The following NF1 variants were observed in gnomAD, a reference collection of about 807,000 sequenced individuals.
NF1 encodes neurofibromin.
A neutral mutation model predicts 325.7 loss-of-function variants in NF1; 122 were observed. The ratio of observed to expected loss-of-function variants is 0.37; its 90% CI spans 0.32 to 0.44. NF1 has a LOEUF of 0.44. Ranked by LOEUF, NF1 falls within the 20% of genes least tolerant of loss-of-function variation. The probability of loss-of-function intolerance (pLI) is 1.00; values close to 1 mark genes in which losing one functional copy is unlikely to be tolerated. For missense variants in NF1, 2,140 were observed against 3,415.4 expected (o/e 0.63, Z 9.31); for synonymous variants, 1,091 against 1,186.0 (o/e 0.92, Z 1.65).
chr17:31,278,254 A>G (rs1473228403), intron 36 of NF1: 6 of 152,296 alleles, frequency 3.9e-5, no homozygotes, highest in South Asian at 4.1e-4. Context: ...AAGAAAATGG[A>G]AAAAAGTAAT....
chr17:31,270,577 T>G (rs2067874813), intron 36 of NF1, among the ~76,000 whole-genome samples: 1 of 152,166 alleles, frequency 6.6e-6, no homozygotes, highest in Admixed American at 6.5e-5. Context: ...ACCACTGTAC[T>G]CCAGCCTGGG....
At chr17:31,304,360 G>C in intron 36 of NF1, 1 of 1,614,092 alleles carries the variant, frequency 6.2e-7, no homozygotes, top group Non-Finnish European at 8.5e-7. Context: ...CTCAAGGTTG[G>C]AATCTTCTTG....
At chr17:31,320,346 A>AC (rs755416593) in intron 36 of NF1, 17 of 1,435,452 alleles carry the variant, frequency 1.2e-5, no homozygotes, top group Non-Finnish European at 1.5e-5. Flanking sequence ...TTTTATTTAA[A>AC]AAAAAAAAAA....
rs181025413 is a variant in NF1, at chr17:31,300,426, T to C, written c.4836-25394T>C. On this transcript the variant is annotated intron_variant, in intron 36 of 57. Transcript: ENST00000358273. ...CATATATACATACTGTTAGATAACT[T>C]GTTCTTCTTTTCTTACTGTATCTTG... Among the ~76,000 whole-genome samples the C allele has an allele frequency of 2.9e-3, 441 of 152,242 alleles. 5 individuals are homozygous for C. Among genetic ancestry groups the C allele is most frequent in the South Asian group, 3.7e-3 (18 of 4,830 alleles).
At chr17:31,270,498 T>A (rs2067872649) in intron 36 of NF1, among the ~76,000 whole-genome samples, 1 of 152,068 alleles carries the variant, frequency 6.6e-6, no homozygotes, top group African/African-American at 2.4e-5. Flanking sequence ...TAGCCCCAGC[T>A]ACTCAGGAGG....
intron 29 of NF1, among the ~76,000 whole-genome samples, chr17:31,240,912 C>G (rs908595338): frequency 3.3e-5 from 5 of 152,174 alleles, no homozygotes; most frequent in African/African-American, 1.2e-4. Context: ...CAGTCTTGCT[C>G]TGTCACACAG....
At chr17:31,105,417 C>G (rs1363158400) in intron 1 of NF1, among the ~76,000 whole-genome samples, 1 of 152,222 alleles carries the variant, frequency 6.6e-6, no homozygotes, top group Non-Finnish European at 1.5e-5. Flanking sequence ...TAGTCTGGCA[C>G]TCACGGTTTG....
In NF1 at chr17:31,330,335, C is replaced by T. The variant is rs139696493; in HGVS notation, c.5649C>T (p.Thr1883=). 46 of 1,613,878 alleles carry T rather than the reference C, an allele frequency of 2.9e-5. No individual in the cohort carries two copies. Among genetic ancestry groups the T allele is most frequent in the Non-Finnish European group, 3.5e-5 (41 of 1,179,964 alleles). ...ATCTTCTGTGTGCCTTAACTTGTAC[C>T]TTTAATTTAAAAATCGAGGGCCAGT... ...AYNLLCALTC[T]FNLKIEGQLL... is the part of the protein sequence containing the mutation. Residue 1883 remains threonine (T), a synonymous_variant, in exon 39 of 58, where the codon ACC becomes ACT. Coordinates refer to ENST00000358273, the MANE Select transcript of NF1 (RefSeq NM_001042492.3).
chr17:31,136,372 C>T (rs1915780858), intron 1 of NF1: 3 of 151,882 alleles, frequency 2.0e-5, no homozygotes, highest in Non-Finnish European at 2.9e-5. Context: ...CAGTAGTCTC[C>T]CCGCTCCCCC....
chr17:31,163,939 A>G (rs2065805066), intron 4 of NF1, among the ~76,000 whole-genome samples: 1 of 152,240 alleles, frequency 6.6e-6, no homozygotes, highest in Non-Finnish European at 1.5e-5. Flanking sequence ...AAGGAGGTGA[A>G]TAATTGCAAA....
intron 57 of NF1, among the ~76,000 whole-genome samples, chr17:31,369,261 A>G (rs1407789623): frequency 6.6e-6 from 1 of 152,228 alleles, no homozygotes; most frequent in East Asian, 1.9e-4. Flanking sequence ...CAGGGAAGAT[A>G]GACATCTAAC....
chr17:31,327,922 C>T, intron 38 of NF1, 83 bp downstream of exon 38: 1 of 1,283,974 alleles, frequency 7.8e-7, no homozygotes, highest in East Asian at 2.3e-5. Flanking sequence ...TTAAAACAGC[C>T]TCTACCTTAA....
rs17883940 is a variant in NF1 at position 31,231,430 on chromosome 17, C to T, written c.3197+505C>T. 8.1e-3 allele frequency among the ~76,000 whole-genome samples: 1,238 copies of T among 152,186 alleles called. 24 individuals are homozygous for T. The highest frequency in any genetic ancestry group is 0.028 in the African/African-American group (1,180 of 41,512). On this transcript the variant is annotated intron_variant, in intron 24 of 57. Transcript: ENST00000358273. Reference sequence around the variant, plus strand: ...TTCACATATGTTTCTTTGACCAAGCCTAGCTTTATAATACAGTCTTCTCTG... The same window carrying T: ...TTCACATATGTTTCTTTGACCAAGCTTAGCTTTATAATACAGTCTTCTCTG...
chr17:31,166,746 T>C (rs932237686), intron 4 of NF1, among the ~76,000 whole-genome samples: 1 of 152,060 alleles, frequency 6.6e-6, no homozygotes, highest in Non-Finnish European at 1.5e-5. Flanking sequence ...GTTCATGTTT[T>C]ATGCAGGGCC....
intron 29 of NF1, among the ~76,000 whole-genome samples, chr17:31,247,682 A>G (rs1040802009): frequency 6.6e-6 from 1 of 152,216 alleles, no homozygotes; most frequent in Non-Finnish European, 1.5e-5. Context: ...TAGCTGCCTT[A>G]GAGAATCTCT....
rs1248496713 is a variant in NF1, at chr17:31,180,498, A to C, written c.587-924A>C. On this transcript the variant is annotated intron_variant, in intron 5 of 57. Transcript: ENST00000358273. ...AAACAGAACCAATGACAAAAACCAC[A>C]TGATTATCTCAATAGATACAGAAAA... 3.9e-5 allele frequency among the ~76,000 whole-genome samples: 6 copies of C among 152,344 alleles called. No homozygotes were observed. In the East Asian group the frequency reaches 1.2e-3, roughly 29 times the overall value.
intron 4 of NF1, among the ~76,000 whole-genome samples, chr17:31,166,736 G>C (rs927554657): frequency 6.6e-6 from 1 of 151,840 alleles, no homozygotes; most frequent in African/African-American, 2.4e-5. Context: ...GTTCTTTCTA[G>C]TTCATGTTTT....
chr17:31,254,911 T>G (rs1238416208), intron 31 of NF1, among the ~76,000 whole-genome samples: 1 of 152,182 alleles, frequency 6.6e-6, no homozygotes, highest in Admixed American at 6.5e-5. Flanking sequence ...TACTCATAAA[T>G]TTAAAATGTT....
chr17:31,223,491 T>C lies in NF1; in HGVS notation c.1769T>C (p.Met590Thr), dbSNP rs761559887. 2.1e-5 allele frequency: 34 copies of C among 1,613,022 alleles called. No homozygotes were observed. The highest frequency in any genetic ancestry group is 2.8e-5 in the Non-Finnish European group (33 of 1,179,342). ...TGCAAGAAATTAACTAGTCATCAAA[T>C]GCTTAGTAGCACAGAAATTCTCAAG... ...YICKKLTSHQ[M>T]LSSTEILKWL... The change falls in exon 16 of 58, where the codon ATG becomes ACG. Residue 590 changes from methionine (M) to threonine (T), a missense_variant. Coordinates refer to ENST00000358273, the MANE Select transcript of NF1 (RefSeq NM_001042492.3).
Sources: allele counts gnomAD v4.1 joint callset (sites outside exome capture counted in the v4.1 genomes callset), GRCh38; gene constraint gnomAD v4.1.1; transcripts MANE v1.5; gene names NCBI Gene and HGNC (gene_info 2026-07-23, HGNC 2026-07-21).